Variants in TRIM15 observed in about 807,000 individuals in gnomAD.
TRIM15 encodes E3 ubiquitin-protein ligase TRIM15.
In TRIM15, 35 loss-of-function variants were observed where a neutral mutation model predicts 35.8. The observed-to-expected ratio is 0.98, with a 90% CI of 0.75 to 1.30. The LOEUF (loss-of-function observed/expected upper bound fraction) is 1.30, where lower values mean the gene tolerates loss of function less well. Ranked by LOEUF, TRIM15 falls within the 50% of genes most tolerant of loss-of-function variation. TRIM15 has a pLI of 0.00. For missense variants in TRIM15, 590 were observed against 593.5 expected, an observed-to-expected ratio of 0.99 and a Z score of 0.06; for synonymous variants, 252 against 249.8, an observed-to-expected ratio of 1.01 and a Z score of -0.08.
Position 30,172,378 on chromosome 6 carries a change from G to A in TRIM15, c.*29G>A. 2.6e-6 allele frequency: 4 copies of A among 1,567,314 alleles called. No homozygotes were observed. Among genetic ancestry groups the A allele is most frequent in the South Asian group, 1.2e-5 (1 of 83,598 alleles). ...GGGGCGCGCGAAGGGCGGCGAAGCG[G>A]AGACGGCGGCTCTCCGGGATCCAGC... On this transcript the variant is annotated 3_prime_UTR_variant, in exon 7 of 7. Coordinates refer to ENST00000376694, the MANE Select transcript of TRIM15 (RefSeq NM_033229.3).
At chr6:30,169,611 G>A in intron 4 of TRIM15, 1 of 529,852 alleles carries the variant, frequency 1.9e-6, no homozygotes, top group Non-Finnish European at 3.5e-6. Flanking sequence ...TTTAAAGGGG[G>A]AATACTTTCT....
At chr6:30,168,581 A>C in intron 3 of TRIM15, 51 bp downstream of exon 3, 1 of 1,505,862 alleles carries the variant, frequency 6.6e-7, no homozygotes, top group Non-Finnish European at 9.0e-7. Flanking sequence ...TCCACGGGGA[A>C]GGGGGTGGGC....
Position 30,172,414 on chromosome 6 carries a change from G to T in TRIM15, c.*65G>T. The T allele has an allele frequency of 6.5e-7, 1 of 1,535,828 alleles. No homozygotes were observed. Among genetic ancestry groups the T allele is most frequent in the Non-Finnish European group, 8.7e-7 (1 of 1,147,526 alleles). ...TCTCCGGGATCCAGCTCCGCCCCTG[G>T]CCAGTGTGCGGCCCGGGGGCTCCCT... On this transcript the variant is annotated 3_prime_UTR_variant, in exon 7 of 7. Transcript: ENST00000376694.
At chr6:30,165,018 A>G (rs1370666352) in intron 1 of TRIM15, among the ~76,000 whole-genome samples, 6 of 151,768 alleles carry the variant, frequency 4.0e-5, no homozygotes. Flanking sequence ...CTTTTTGCAC[A>G]TAGTCTCTTC....
At chr6:30,171,714 T>C in intron 6 of TRIM15, 118 bp from the exon 7 acceptor site, 1 of 1,321,700 alleles carries the variant, frequency 7.6e-7, no homozygotes, top group Non-Finnish European at 1.0e-6. Context: ...TTCAGAGAAG[T>C]GGCCCAATGG....
intron 3 of TRIM15, 46 bp from the exon 4 acceptor site, chr6:30,169,195 A>G: frequency 6.2e-7 from 1 of 1,612,314 alleles, no homozygotes; most frequent in Non-Finnish European, 8.5e-7. Flanking sequence ...CCCTGACAGG[A>G]AGGACTTATG....
rs996389449 is a variant in TRIM15 at position 30,164,081 on chromosome 6, T to G, written c.381+16T>G. 1.2e-6 allele frequency: 2 copies of G among 1,601,924 alleles called. No individual in the cohort carries two copies. The highest frequency in any genetic ancestry group is 2.7e-5 in the African/African-American group (2 of 74,766). ...GCCCTACCGGGTAAGAAGTGTAGCT[T>G]TACCTAGGGCCTGTTTGGGGCAGGA... On this transcript the variant is annotated intron_variant, in intron 1 of 6. Transcript: ENST00000376694.
At position 30,172,653 on chromosome 6, in the gene TRIM15, G is replaced by A; in HGVS notation, c.*304G>A. The A allele has an allele frequency of 1.6e-6, 1 of 611,106 alleles. No individual in the cohort carries two copies. The highest frequency in any genetic ancestry group is 3.0e-6 in the Non-Finnish European group (1 of 337,350). The allele number at this position is 611,106 out of a possible 1,614,324, so 37.9% of individuals were successfully genotyped here. A position where few individuals can be genotyped will look rare whatever the true frequency, so the allele number is the denominator to read the frequency against. On this transcript the variant is annotated 3_prime_UTR_variant, in exon 7 of 7. Coordinates refer to ENST00000376694, the MANE Select transcript of TRIM15 (RefSeq NM_033229.3). ...CCAGCGGGCTTTCGGGGAAAAAAAA[G>A]AAAAAGACATCTAAAATAAAATGTT...
chr6:30,171,160 T>A, intron 6 of TRIM15, 152 bp downstream of exon 6: 1 of 774,848 alleles, frequency 1.3e-6, no homozygotes, highest in Non-Finnish European at 2.1e-6. Flanking sequence ...GGCAAGTTAT[T>A]AAGCCTCTGT....
chr6:30,168,583 G>T lies in TRIM15; in HGVS notation c.708+53G>T, dbSNP rs138415453. ...ATAAGAGAGGGACTCCACGGGGAAG[G>T]GGGTGGGCACCATGCTTTGGGCTGG... is the stretch of plus-strand genomic sequence containing the variant. On this transcript the variant is annotated intron_variant, in intron 3 of 6. Coordinates refer to ENST00000376694, the MANE Select transcript of TRIM15 (RefSeq NM_033229.3). The T allele has an allele frequency of 7.5e-3, 11,324 of 1,501,864 alleles. 61 individuals carry two copies. The highest frequency in any genetic ancestry group is 9.1e-3 in the Non-Finnish European group (10,019 of 1,104,392). 93.0% of individuals were successfully genotyped at this position (1,501,864 alleles called of 1,614,324 possible).
intron 5 of TRIM15, 41 bp from the exon 6 acceptor site, chr6:30,170,935 A>G: frequency 6.2e-7 from 1 of 1,600,956 alleles, no homozygotes; most frequent in Non-Finnish European, 8.5e-7. Flanking sequence ...TATAAGAAGT[A>G]ATAAGTCACA....
intron 4 of TRIM15, among the ~76,000 whole-genome samples, chr6:30,170,051 G>A (rs1773898736): frequency 6.6e-6 from 1 of 152,230 alleles, no homozygotes; most frequent in African/African-American, 2.4e-5. Context: ...TGAGGACTGA[G>A]CTGGGACCAG....
intron 1 of TRIM15, among the ~76,000 whole-genome samples, chr6:30,166,714 T>C (rs2127456562): frequency 6.6e-6 from 1 of 152,318 alleles, no homozygotes; most frequent in African/African-American, 2.4e-5. Context: ...ATTTTCACAA[T>C]ATTGATTCTT....
intron 1 of TRIM15, among the ~76,000 whole-genome samples, chr6:30,164,357 G>A (rs923283257): frequency 2.0e-5 from 3 of 152,166 alleles, no homozygotes; most frequent in African/African-American, 7.2e-5. Flanking sequence ...CTCCAATGCC[G>A]AGTGGGATCT....
Position 30,172,113 on chromosome 6 carries a change from G to C in TRIM15, c.1162G>C (p.Ala388Pro). The part of the protein sequence containing the change: ...MGLSAEDGVW[A>P]VIISHQQCWA... ...ACTCAGCGCCGAGGACGGCGTCTGG[G>C]CCGTGATCATCTCGCACCAGCAGTG... Residue 388 changes from alanine (A) to proline (P), a missense_variant, in exon 7 of 7, where the codon GCC (alanine) becomes CCC (proline). Transcript: ENST00000376694. 1 of 1,579,700 alleles carries C rather than the reference G, an allele frequency of 6.3e-7. No individual in the cohort carries two copies. The highest frequency in any genetic ancestry group is 8.6e-7 in the Non-Finnish European group (1 of 1,163,324).
chr6:30,169,386 T>C (rs1773853055), intron 4 of TRIM15, 123 bp downstream of exon 4: 3 of 1,041,266 alleles, frequency 2.9e-6, no homozygotes, highest in Non-Finnish European at 1.5e-6. Context: ...AGACACACTG[T>C]CTCATTCAAC....
rs1043990432 is a variant in TRIM15 at position 30,170,242 on chromosome 6, A to G, written c.732-259A>G. 2.9e-5 allele frequency: 13 copies of G among 451,548 alleles called. No individual in the cohort carries two copies. The South Asian group carries it at 3.9e-4, about 13-fold the overall frequency. The allele number at this position is 451,548 out of a possible 1,614,324, so 28.0% of individuals were successfully genotyped here. On this transcript the variant is annotated intron_variant, in intron 4 of 6. Transcript: ENST00000376694. ...TAATGATCTCTGTCCCTCAGCCCCT[A>G]CAGAACCAAACATTCTCCTAAAGGG...
rs1773973695 is a variant in TRIM15 at position 30,170,983 on chromosome 6, G to A, written c.855G>A (p.Leu285=). 2.5e-6 allele frequency: 4 copies of A among 1,610,834 alleles called. No homozygotes were observed. Among genetic ancestry groups the A allele is most frequent in the Admixed American group, 1.7e-5 (1 of 59,490 alleles). ...PEMMRMFSEN[L]AHHLEIDSGV... ...TATTTCTGCTTCCCTCAGAAAACTT[G>A]GCGCATCATCTGGAAATAGATTCAG... The change falls in exon 6 of 7, where the codon TTG becomes TTA. Residue 285 remains leucine, a synonymous_variant. Transcript: ENST00000376694.
intron 1 of TRIM15, among the ~76,000 whole-genome samples, chr6:30,166,868 T>C (rs1322751163): frequency 1.3e-5 from 2 of 152,182 alleles, no homozygotes; most frequent in Non-Finnish European, 2.9e-5. Flanking sequence ...CAACTGGAAA[T>C]TTATCTTTCA....
Sources: allele counts gnomAD v4.1 joint callset (sites outside exome capture counted in the v4.1 genomes callset), GRCh38; gene constraint gnomAD v4.1.1; transcripts MANE v1.5; gene names NCBI Gene and HGNC (gene_info 2026-07-23, HGNC 2026-07-21).